NALF1: variants seen among roughly 807,000 people sequenced by gnomAD.
NALF1 encodes the protein NALCN channel auxiliary factor 1, also known as family with sequence similarity 155 member A.
NALF1 carries 3 observed loss-of-function variants against 48.4 expected under a neutral mutation model. That is an observed-to-expected ratio of 0.06 (90% CI 0.03 to 0.16). NALF1 has a LOEUF of 0.16. Among genes scored for constraint, NALF1 ranks in the 10% least tolerant of loss-of-function variants. The pLI is 1.00. For missense variants in NALF1, 526 were observed against 571.5 expected (o/e 0.92, Z 0.81); for synonymous variants, 262 against 245.7 (o/e 1.07, Z -0.62).
At chr13:107,779,510 G>GT (rs1350140784) in intron 1 of NALF1, among the ~76,000 whole-genome samples, 8 of 152,280 alleles carry the variant, frequency 5.3e-5, no homozygotes, top group African/African-American at 1.7e-4. Flanking sequence ...AATGCTTACA[G>GT]TGAGTAGGGT....
Position 107,646,988 on chromosome 13 carries a change from T to C in NALF1, c.915+218694A>G, listed in dbSNP as rs181174431. Among the ~76,000 whole-genome samples the C allele has an allele frequency of 1.6e-3, 240 of 152,224 alleles. 2 individuals carry two copies. Among genetic ancestry groups the C allele is most frequent in the African/African-American group, 5.1e-3 (214 of 41,562 alleles). ...TGTTGACCAAGCAAGTCTACTAATA[T>C]GAATTTACAGATATTACCACTCATT... On this transcript the variant is annotated intron_variant, in intron 1 of 2. Transcript: ENST00000375915.
At chr13:107,285,660 A>G (rs1881478556) in intron 1 of NALF1, among the ~76,000 whole-genome samples, 1 of 152,104 alleles carries the variant, frequency 6.6e-6, no homozygotes, top group Non-Finnish European at 1.5e-5. Flanking sequence ...TAGCATATAT[A>G]TGGTATATAG....
intron 1 of NALF1, 42 bp downstream of exon 1, chr13:107,865,640 T>C (rs1353473906): frequency 1.3e-6 from 2 of 1,585,036 alleles, no homozygotes; most frequent in Non-Finnish European, 8.6e-7. Flanking sequence ...CAAGCAGAGA[T>C]AGGAAAGTGC....
At chr13:107,737,514 A>T (rs1363928997) in intron 1 of NALF1, among the ~76,000 whole-genome samples, 4 of 152,192 alleles carry the variant, frequency 2.6e-5, no homozygotes, top group Non-Finnish European at 5.9e-5. Flanking sequence ...ATGATAGGTG[A>T]TTATTTCCCA....
At chr13:107,374,300 T>A (rs1358839347) in intron 1 of NALF1, among the ~76,000 whole-genome samples, 1 of 152,150 alleles carries the variant, frequency 6.6e-6, no homozygotes, top group Non-Finnish European at 1.5e-5. Context: ...ACATTCACCA[T>A]CAGGAGCAGG....
rs373589287 is a variant in NALF1 at position 107,523,104 on chromosome 13, G to A, written c.916-312349C>T. Among the ~76,000 whole-genome samples the A allele has an allele frequency of 9.2e-5, 14 of 152,292 alleles. No homozygotes were observed. In the East Asian group the frequency reaches 2.1e-3, roughly 23 times the overall value. ...CAGTTGCAAAGGGAGATGGATGTCAGAGGATTAAGGAGAAGAACTAATGAG... is the reference window on the plus strand; with the variant it reads ...CAGTTGCAAAGGGAGATGGATGTCAAAGGATTAAGGAGAAGAACTAATGAG... On this transcript the variant is annotated intron_variant, in intron 1 of 2. Transcript: ENST00000375915.
At chr13:107,804,936 C>G (rs902341455) in intron 1 of NALF1, among the ~76,000 whole-genome samples, 2 of 152,086 alleles carry the variant, frequency 1.3e-5, no homozygotes, top group Non-Finnish European at 2.9e-5. Flanking sequence ...TATATTTAAT[C>G]ATAATTATTT....
At chr13:107,851,972 A>AT (rs1413126585) in intron 1 of NALF1, among the ~76,000 whole-genome samples, 48 of 144,220 alleles carry the variant, frequency 3.3e-4, no homozygotes, top group East Asian at 2.7e-3. Flanking sequence ...ATGCCCGGCT[A>AT]TTTTTTTTTT....
chr13:107,809,712 C>A (rs1188536153), intron 1 of NALF1, among the ~76,000 whole-genome samples: 1 of 152,042 alleles, frequency 6.6e-6, no homozygotes, highest in African/African-American at 2.4e-5. Flanking sequence ...CTTAATATCA[C>A]GCCCACTTTA....
intron 2 of NALF1, among the ~76,000 whole-genome samples, chr13:107,199,452 A>G (rs1170932425): frequency 6.6e-6 from 1 of 152,084 alleles, no homozygotes; most frequent in Non-Finnish European, 1.5e-5. Flanking sequence ...CATCCTAATG[A>G]CCCATTTTAA....
At chr13:107,863,918 A>T (rs561341834) in intron 1 of NALF1, among the ~76,000 whole-genome samples, 64 of 152,334 alleles carry the variant, frequency 4.2e-4, no homozygotes, top group Admixed American at 7.8e-4. Flanking sequence ...AGTTATACAA[A>T]TGGAAATTAT....
At chr13:107,429,491 A>G (rs1351671251) in intron 1 of NALF1, among the ~76,000 whole-genome samples, 1 of 152,224 alleles carries the variant, frequency 6.6e-6, no homozygotes, top group African/African-American at 2.4e-5. Flanking sequence ...TAGATAAGGC[A>G]ATAAAACCAG....
At chr13:107,619,540 G>A (rs1031360696) in intron 1 of NALF1, among the ~76,000 whole-genome samples, 21 of 152,162 alleles carry the variant, frequency 1.4e-4, no homozygotes, top group Admixed American at 2.6e-4. Flanking sequence ...AATGTAAAAC[G>A]AATTTTAACA....
chr13:107,801,357 AC>A (rs1878606397), intron 1 of NALF1, among the ~76,000 whole-genome samples: 1 of 152,196 alleles, frequency 6.6e-6, no homozygotes, highest in African/African-American at 2.4e-5. Flanking sequence ...TAAATGGTGT[AC>A]TAGGATGATG....
chr13:107,304,110 G>A (rs950455340), intron 1 of NALF1, among the ~76,000 whole-genome samples: 3 of 151,956 alleles, frequency 2.0e-5, no homozygotes, highest in Admixed American at 6.6e-5. Context: ...ATCCAATTTG[G>A]TTATATTAAT....
intron 1 of NALF1, among the ~76,000 whole-genome samples, chr13:107,728,746 G>C (rs1344293528): frequency 6.6e-6 from 1 of 151,938 alleles, no homozygotes; most frequent in East Asian, 1.9e-4. Context: ...CCAGCCTTGA[G>C]GAGACGGCAG....
chr13:107,240,997 T>C (rs1880454689), intron 1 of NALF1, among the ~76,000 whole-genome samples: 1 of 143,890 alleles, frequency 6.9e-6, no homozygotes, highest in Non-Finnish European at 1.5e-5. Context: ...GCAGATCACC[T>C]GAGGTCAGGA....
intron 1 of NALF1, among the ~76,000 whole-genome samples, chr13:107,577,888 C>T (rs1878198797): frequency 6.6e-6 from 1 of 152,142 alleles, no homozygotes; most frequent in African/African-American, 2.4e-5. Flanking sequence ...TGCCCACCTT[C>T]TTAGGCTACC....
At chr13:107,826,065 C>T (rs1340654294) in intron 1 of NALF1, among the ~76,000 whole-genome samples, 1 of 152,204 alleles carries the variant, frequency 6.6e-6, no homozygotes, top group Non-Finnish European at 1.5e-5. Context: ...AGGCGTGAGC[C>T]ACCATGCCCA....
Sources: allele counts gnomAD v4.1 joint callset (sites outside exome capture counted in the v4.1 genomes callset), GRCh38; gene constraint gnomAD v4.1.1; transcripts MANE v1.5; gene names NCBI Gene and HGNC (gene_info 2026-07-23, HGNC 2026-07-21).